ZNF143: variants seen among roughly 807,000 people sequenced by gnomAD.
ZNF143 encodes the protein zinc finger protein 143.
ZNF143 carries 49 observed loss-of-function variants against 74.1 expected under a neutral mutation model. The observed-to-expected ratio is 0.66, with a 90% CI of 0.53 to 0.84. The LOEUF (loss-of-function observed/expected upper bound fraction) is 0.84. ZNF143 is among the 40% of genes least tolerant of loss of function. The probability of loss-of-function intolerance (pLI) is 0.00; values close to 1 mark genes in which losing one functional copy is unlikely to be tolerated. For synonymous variants in ZNF143, 304 were observed against 282.8 expected (o/e 1.07, Z -0.75); for missense variants, 637 against 793.4 (o/e 0.80, Z 2.37).
rs775903440 is a variant in ZNF143, at chr11:9,496,380, TA to T, written c.841+6del. On this transcript the variant is annotated splice_donor_region_variant and intron_variant, in intron 9 of 15. Coordinates refer to ENST00000396602, the MANE Select transcript of ZNF143 (RefSeq NM_003442.6). ...GCTGTGGGAAGGCATTTGCAACAGGTAAAAGTATGAATTTTGTTTTTTTCTT... is the reference window on the plus strand; with the variant it reads ...GCTGTGGGAAGGCATTTGCAACAGGTAAAGTATGAATTTTGTTTTTTTCTT... 1.4e-5 allele frequency: 22 copies of T among 1,613,936 alleles called. No homozygotes were observed. Among genetic ancestry groups the T allele is most frequent in the Non-Finnish European group, 1.7e-5 (20 of 1,179,980 alleles).
intron 7 of ZNF143, among the ~76,000 whole-genome samples, chr11:9,484,705 A>G (rs1590548994): frequency 7.4e-6 from 1 of 135,938 alleles, no homozygotes; most frequent in African/African-American, 2.9e-5. Flanking sequence ...TGTAACCTCC[A>G]CCTCCCAGTT....
intron 8 of ZNF143, among the ~76,000 whole-genome samples, chr11:9,495,677 T>C (rs935431829): frequency 6.6e-6 from 1 of 152,254 alleles, no homozygotes; most frequent in African/African-American, 2.4e-5. Flanking sequence ...TCTATAAAAT[T>C]GGATCCTAAG....
intron 15 of ZNF143, among the ~76,000 whole-genome samples, chr11:9,526,533 A>C (rs1849133853): frequency 6.6e-6 from 1 of 151,920 alleles, no homozygotes; most frequent in East Asian, 1.9e-4. Flanking sequence ...AAGGCTCAAG[A>C]AGCTCTCTTT....
chr11:9,490,420 A>G (rs1340999421), intron 7 of ZNF143, among the ~76,000 whole-genome samples: 1 of 149,730 alleles, frequency 6.7e-6, no homozygotes, highest in Non-Finnish European at 1.5e-5. Context: ...ACAGCCTGGG[A>G]TGACAGGCAC....
At chr11:9,464,816 A>G (rs1360537113) in intron 1 of ZNF143, among the ~76,000 whole-genome samples, 1 of 149,626 alleles carries the variant, frequency 6.7e-6, no homozygotes, top group Admixed American at 6.7e-5. Context: ...CCAGCTACTC[A>G]GGAGGCTGAG....
At chr11:9,484,329 T>C (rs953208552) in intron 7 of ZNF143, among the ~76,000 whole-genome samples, 1 of 151,126 alleles carries the variant, frequency 6.6e-6, no homozygotes, top group African/African-American at 2.5e-5. Context: ...GAGTAGCTGG[T>C]ATCACAGGAG....
intron 7 of ZNF143, among the ~76,000 whole-genome samples, chr11:9,487,423 G>A (rs1467772205): frequency 6.6e-6 from 1 of 151,504 alleles, no homozygotes; most frequent in Non-Finnish European, 1.5e-5. Flanking sequence ...GCAGGGGCAT[G>A]ATCTCAGCTC....
At chr11:9,480,735 A>T (rs191292238) in intron 7 of ZNF143, among the ~76,000 whole-genome samples, 2 of 152,054 alleles carry the variant, frequency 1.3e-5, no homozygotes, top group Admixed American at 1.3e-4. Context: ...AAAATACAAA[A>T]AATTAGCCAG....
chr11:9,519,875 T>G (rs1036234364), intron 14 of ZNF143, among the ~76,000 whole-genome samples: 1 of 151,958 alleles, frequency 6.6e-6, no homozygotes, highest in Non-Finnish European at 1.5e-5. Flanking sequence ...CAGTGCTGCT[T>G]CTTGTGGTTA....
chr11:9,480,759 T>C (rs1590536284), intron 7 of ZNF143, among the ~76,000 whole-genome samples: 1 of 151,704 alleles, frequency 6.6e-6, no homozygotes, highest in African/African-American at 2.4e-5. Flanking sequence ...TGGTGGCTAG[T>C]GCCTATAATC....
At chr11:9,523,171 T>C (rs1003978708) in intron 14 of ZNF143, among the ~76,000 whole-genome samples, 8 of 152,218 alleles carry the variant, frequency 5.3e-5, no homozygotes, top group South Asian at 2.1e-4. Flanking sequence ...ATTTTTTTTT[T>C]CTATTAGCTA....
chr11:9,495,700 C>G (rs1847934855), intron 8 of ZNF143, among the ~76,000 whole-genome samples: 1 of 152,216 alleles, frequency 6.6e-6, no homozygotes, highest in African/African-American at 2.4e-5. Context: ...TTATCTCCCT[C>G]TCAGAGTGGT....
At chr11:9,489,552 TC>T (rs1216477798) in intron 7 of ZNF143, among the ~76,000 whole-genome samples, 1 of 152,192 alleles carries the variant, frequency 6.6e-6, no homozygotes, top group Non-Finnish European at 1.5e-5. Context: ...GATGCCAAAT[TC>T]CTGGTATATG....
At chr11:9,490,955 A>T (rs1847751161) in intron 7 of ZNF143, among the ~76,000 whole-genome samples, 1 of 151,752 alleles carries the variant, frequency 6.6e-6, no homozygotes, top group South Asian at 2.1e-4. Context: ...CTGGTCTCAA[A>T]CTCCTGGGCT....
chr11:9,482,622 C>T (rs927725190), intron 7 of ZNF143, among the ~76,000 whole-genome samples: 5 of 150,498 alleles, frequency 3.3e-5, no homozygotes, highest in Admixed American at 1.3e-4. Flanking sequence ...GGTATTGGTA[C>T]CAGTAGACAA....
chr11:9,504,872 A>G (rs1848300387), intron 11 of ZNF143, among the ~76,000 whole-genome samples: 1 of 117,982 alleles, frequency 8.5e-6, no homozygotes, highest in African/African-American at 2.7e-5. Context: ...ACGGGATTTC[A>G]CCATGTTGGC....
intron 1 of ZNF143, chr11:9,461,879 A>G (rs891182892): frequency 5.3e-5 from 8 of 152,214 alleles, no homozygotes; most frequent in African/African-American, 1.9e-4. Context: ...CCAGCCCATT[A>G]TTTGTTTAAA....
chr11:9,474,538 A>G lies in ZNF143; in HGVS notation c.290-12A>G, dbSNP rs773991516. On this transcript the variant is annotated splice_polypyrimidine_tract_variant and intron_variant, in intron 4 of 15. Coordinates refer to ENST00000396602, the MANE Select transcript of ZNF143 (RefSeq NM_003442.6). ...GAAAACATGAGATCTAAATGTAAGC[A>G]TTGTTCTTGAGCAGGGGACAGTTTG... 4 of 1,613,922 alleles carry G rather than the reference A, an allele frequency of 2.5e-6. No individual in the cohort carries two copies. In the Admixed American group the frequency reaches 5.0e-5, roughly 20 times the overall value.
chr11:9,466,205 A>G (rs1482828265), intron 1 of ZNF143, among the ~76,000 whole-genome samples: 3 of 150,054 alleles, frequency 2.0e-5, no homozygotes, highest in African/African-American at 7.4e-5. Context: ...CTGGTCTTGA[A>G]CTCCTGACCT....
Sources: allele counts gnomAD v4.1 joint callset (sites outside exome capture counted in the v4.1 genomes callset), GRCh38; gene constraint gnomAD v4.1.1; transcripts MANE v1.5; gene names NCBI Gene and HGNC (gene_info 2026-07-23, HGNC 2026-07-21).